The following RECK variants were observed in gnomAD, a reference collection of about 807,000 sequenced individuals.
RECK encodes reversion-inducing cysteine-rich protein with Kazal motifs.
RECK carries 69 observed loss-of-function variants against 115.1 expected under a neutral mutation model. That is an observed-to-expected ratio of 0.60 (90% CI 0.49 to 0.73). The LOEUF is 0.73. Among genes scored for constraint, RECK ranks in the 30% least tolerant of loss-of-function variants. RECK has a pLI of 0.00. For synonymous variants in RECK, 414 were observed against 419.7 expected (o/e 0.99, Z 0.17); for missense variants, 1,047 against 1,203.7 (o/e 0.87, Z 1.93).
intron 2 of RECK, among the ~76,000 whole-genome samples, chr9:36,054,776 C>CAAAA (rs1821455473): frequency 2.0e-5 from 3 of 152,058 alleles, no homozygotes; most frequent in Middle Eastern, 6.8e-3. Context: ...ATATGTCTTA[C>CAAAA]CTGTATATAT....
At chr9:36,054,442 G>T (rs1410627782) in intron 2 of RECK, among the ~76,000 whole-genome samples, 1 of 149,418 alleles carries the variant, frequency 6.7e-6, no homozygotes, top group African/African-American at 2.5e-5. Context: ...ACTGTCAGCA[G>T]TGTCAGATGC....
intron 5 of RECK, 33 bp downstream of exon 5, chr9:36,063,913 T>C (rs573082772): frequency 1.3e-6 from 2 of 1,595,374 alleles, no homozygotes; most frequent in Middle Eastern, 1.7e-4. Flanking sequence ...TCAAACATCA[T>C]GGAGTGCAGT....
At chr9:36,107,932 CAT>C in intron 13 of RECK, 42 bp from the exon 14 acceptor site, 1 of 1,396,940 alleles carries the variant, frequency 7.2e-7, no homozygotes, top group Non-Finnish European at 9.9e-7. Flanking sequence ...AAAACAATGT[CAT>C]AGAACAGTAC....
chr9:36,044,703 TGGA>T (rs993482921), intron 1 of RECK, among the ~76,000 whole-genome samples: 3 of 152,154 alleles, frequency 2.0e-5, no homozygotes, highest in African/African-American at 7.2e-5. Flanking sequence ...CTAGAGTTGT[TGGA>T]GAAGAAAGGC....
chr9:36,054,028 C>T (rs1032963216), intron 2 of RECK, among the ~76,000 whole-genome samples: 1 of 152,182 alleles, frequency 6.6e-6, no homozygotes, highest in Non-Finnish European at 1.5e-5. Context: ...TTACTTTCCC[C>T]TACTAAACTC....
chr9:36,121,678 A>C lies in RECK; in HGVS notation c.2684A>C (p.Lys895Thr). Residue 895 changes from lysine (K) to threonine (T), a missense_variant, in exon 20 of 21, where the codon AAA becomes ACA. Coordinates refer to ENST00000377966, the MANE Select transcript of RECK (RefSeq NM_021111.3). ...ATCATTCCCGTCGATCACTATCCAA[A>C]AGCTCTGCAGGTGAGTTCAGCACAT... ...ILIIPVDHYPKALQIEACNKE... is the reference protein window; with the variant it reads ...ILIIPVDHYPTALQIEACNKE... 3.1e-6 allele frequency: 5 copies of C among 1,614,090 alleles called. No individual in the cohort carries two copies. The highest frequency in any genetic ancestry group is 4.2e-6 in the Non-Finnish European group (5 of 1,179,992).
chr9:36,088,858 A>T (rs2132634871), intron 9 of RECK, among the ~76,000 whole-genome samples: 1 of 152,308 alleles, frequency 6.6e-6, no homozygotes, highest in East Asian at 1.9e-4. Flanking sequence ...TCTCTACTAA[A>T]AAATATACAA....
intron 14 of RECK, among the ~76,000 whole-genome samples, chr9:36,108,671 G>A (rs1039263863): frequency 6.6e-6 from 1 of 152,018 alleles, no homozygotes; most frequent in African/African-American, 2.4e-5. Context: ...TTCACCAGAA[G>A]TGAAACTCAG....
intron 11 of RECK, among the ~76,000 whole-genome samples, chr9:36,100,975 G>GTTT (rs567284866): frequency 0.013 from 1,844 of 146,700 alleles, 38 homozygotes; most frequent in African/African-American, 0.043. Context: ...TTTGTTTTGT[G>GTTT]TTTTTTTTTT....
In RECK at chr9:36,091,169, T is replaced by C; in HGVS notation, c.911T>C (p.Leu304Pro). Residue 304 changes from leucine (L) to proline (P), a missense_variant, in exon 10 of 21, where the codon CTC becomes CCC. Transcript: ENST00000377966. ...SKANTSTCRE[L>P]CTKLYSMSWG... ...CATTTGTGCTCTTGTTTCAGGGAAC[T>C]CTGCACTAAACTTTACAGCATGAGC... The C allele has an allele frequency of 6.2e-7, 1 of 1,613,748 alleles. No homozygotes were observed. Among genetic ancestry groups the C allele is most frequent in the African/African-American group, 1.3e-5 (1 of 75,040 alleles).
At chr9:36,105,965 G>A (rs1456211654) in intron 13 of RECK, among the ~76,000 whole-genome samples, 4 of 152,138 alleles carry the variant, frequency 2.6e-5, no homozygotes, top group African/African-American at 9.7e-5. Flanking sequence ...TGTAATCGCA[G>A]CACTTTGGGA....
At chr9:36,112,034 A>G (rs1170781638) in intron 15 of RECK, among the ~76,000 whole-genome samples, 2 of 149,846 alleles carry the variant, frequency 1.3e-5, no homozygotes, top group Admixed American at 1.3e-4. Context: ...GAGGCAGGAG[A>G]ATGGCGTGAA....
chr9:36,118,639 A>AT, intron 17 of RECK, 118 bp from the exon 18 acceptor site: 1 of 983,924 alleles, frequency 1.0e-6, no homozygotes, highest in Non-Finnish European at 1.5e-6. Flanking sequence ...AGAGGTCCTC[A>AT]TAATTTATAC....
At chr9:36,056,517 A>G (rs1391376283) in intron 2 of RECK, among the ~76,000 whole-genome samples, 1 of 152,010 alleles carries the variant, frequency 6.6e-6, no homozygotes, top group Admixed American at 6.6e-5. Context: ...GGTGTCGTTT[A>G]ACATTTTCCT....
chr9:36,101,250 C>T (rs543798266), intron 11 of RECK, among the ~76,000 whole-genome samples: 5 of 152,108 alleles, frequency 3.3e-5, no homozygotes, highest in East Asian at 3.9e-4. Flanking sequence ...TGCGCCCAGC[C>T]GACTTTGCTC....
In RECK at chr9:36,087,931, G is replaced by C; in HGVS notation, c.875G>C (p.Cys292Ser). ...STGLDGAKLH[C>S]CSKANTSTCR... ...GGCCTCGATGGGGCTAAATTGCATT[G>C]TTGTTCTAAAGCAAACACTTCAACA... Residue 292 changes from cysteine to serine, a missense_variant, in exon 9 of 21, where the codon TGT (cysteine) becomes TCT (serine). Cys to Ser is a moderately radical substitution (Grantham distance 112). Transcript: ENST00000377966. 5 of 1,613,504 alleles carry C rather than the reference G, an allele frequency of 3.1e-6. No homozygotes were observed. The highest frequency in any genetic ancestry group is 4.2e-6 in the Non-Finnish European group (5 of 1,179,550).
chr9:36,103,585 A>G (rs755698676), intron 12 of RECK, among the ~76,000 whole-genome samples: 1 of 152,252 alleles, frequency 6.6e-6, no homozygotes, highest in Non-Finnish European at 1.5e-5. Context: ...TTGCGGCCCT[A>G]AGTAAAATTG....
rs1797716849 is a variant in RECK, at chr9:36,051,467, C to A, written c.101-798C>A. Among the ~76,000 whole-genome samples the A allele has an allele frequency of 2.0e-5, 3 of 152,166 alleles. No homozygotes were observed. In the South Asian group the frequency reaches 6.2e-4, roughly 31 times the overall value. On this transcript the variant is annotated intron_variant, in intron 1 of 20. Transcript: ENST00000377966. Reference sequence around the variant, plus strand: ...ACTCCTTAATATCATTCACTTCTACCAGTTCCACAGAAAGAACCTGTGAAG... The same window carrying A: ...ACTCCTTAATATCATTCACTTCTACAAGTTCCACAGAAAGAACCTGTGAAG...
intron 13 of RECK, among the ~76,000 whole-genome samples, chr9:36,106,238 A>C (rs897958134): frequency 8.7e-5 from 13 of 149,228 alleles, no homozygotes; most frequent in African/African-American, 1.7e-4. Context: ...TTAAAAAAAA[A>C]CGTTTTTTTT....
Sources: allele counts gnomAD v4.1 joint callset (sites outside exome capture counted in the v4.1 genomes callset), GRCh38; gene constraint gnomAD v4.1.1; transcripts MANE v1.5; gene names NCBI Gene and HGNC (gene_info 2026-07-23, HGNC 2026-07-21).